Variants in APBB2 observed in about 807,000 individuals in gnomAD.
APBB2 encodes Fe65-like 1.
In APBB2, 38 loss-of-function variants were observed where a neutral mutation model predicts 82.5. The ratio of observed to expected loss-of-function variants is 0.46; its 90% CI spans 0.36 to 0.60. The LOEUF (loss-of-function observed/expected upper bound fraction) is 0.60, where lower values mean the gene tolerates loss of function less well. Among genes scored for constraint, APBB2 ranks in the 20% least tolerant of loss-of-function variants. The probability of loss-of-function intolerance (pLI) is 0.00; values close to 1 mark genes in which losing one functional copy is unlikely to be tolerated. For missense variants in APBB2, 772 were observed against 972.3 expected, an observed-to-expected ratio of 0.79 and a Z score of 2.74; for synonymous variants, 341 against 368.2, an observed-to-expected ratio of 0.93 and a Z score of 0.85.
intron 17 of APBB2, among the ~76,000 whole-genome samples, chr4:40,819,777 A>C (rs971117862): frequency 2.0e-5 from 3 of 151,892 alleles, no homozygotes; most frequent in Non-Finnish European, 4.4e-5. Context: ...TTTTCTTCCC[A>C]GTTACTTCTC....
At chr4:40,858,024 T>A (rs948737633) in intron 12 of APBB2, among the ~76,000 whole-genome samples, 1 of 152,116 alleles carries the variant, frequency 6.6e-6, no homozygotes, top group African/African-American at 2.4e-5. Context: ...CCTTTTGTAA[T>A]CCCTACCTCT....
intron 3 of APBB2, chr4:41,084,698 A>C (rs757589848): frequency 6.6e-6 from 1 of 152,248 alleles, no homozygotes; most frequent in Non-Finnish European, 1.5e-5. Flanking sequence ...AAATTTGTGA[A>C]GTATTCCATA....
intron 2 of APBB2, among the ~76,000 whole-genome samples, chr4:41,135,401 C>T (rs933033465): frequency 5.3e-5 from 8 of 152,084 alleles, no homozygotes; most frequent in African/African-American, 1.9e-4. Context: ...TTTTCATAGA[C>T]ACTATCCAAA....
intron 12 of APBB2, among the ~76,000 whole-genome samples, chr4:40,871,810 A>G (rs1002959870): frequency 7.2e-5 from 11 of 152,236 alleles, no homozygotes; most frequent in African/African-American, 2.7e-4. Flanking sequence ...CATCTAATAT[A>G]AGGATAACAT....
intron 10 of APBB2, among the ~76,000 whole-genome samples, chr4:40,896,226 G>A (rs760037074): frequency 7.2e-5 from 11 of 152,120 alleles, no homozygotes; most frequent in South Asian, 6.2e-4. Context: ...CACCGTGCCC[G>A]GCTAATGTTT....
chr4:41,134,350 C>CCAAGGT (rs1756955021), intron 2 of APBB2, among the ~76,000 whole-genome samples: 1 of 151,982 alleles, frequency 6.6e-6, no homozygotes, highest in South Asian at 2.1e-4. Context: ...GAGGCCAAGG[C>CCAAGGT]GGGCTGATCA....
At chr4:40,860,444 G>A (rs1762496170) in intron 12 of APBB2, among the ~76,000 whole-genome samples, 1 of 152,184 alleles carries the variant, frequency 6.6e-6, no homozygotes, top group Non-Finnish European at 1.5e-5. Flanking sequence ...CTGTGCTATT[G>A]TCACACGGCA....
intron 4 of APBB2, among the ~76,000 whole-genome samples, chr4:41,046,219 A>G (rs1477895567): frequency 6.6e-6 from 1 of 152,220 alleles, no homozygotes; most frequent in African/African-American, 2.4e-5. Flanking sequence ...GCAACCACCC[A>G]TCTGCTTTCC....
intron 1 of APBB2, among the ~76,000 whole-genome samples, chr4:41,185,018 C>T (rs1264320372): frequency 1.3e-5 from 2 of 152,234 alleles, no homozygotes; most frequent in Non-Finnish European, 2.9e-5. Flanking sequence ...ACTTATCTAT[C>T]TCCCTTCACT....
In APBB2 at chr4:41,196,846, C is replaced by T; in HGVS notation, c.-417+17559G>A. On this transcript the variant is annotated intron_variant, in intron 1 of 17. Coordinates refer to ENST00000508593, the MANE Select transcript of APBB2 (RefSeq NM_004307.2). ...GACCACAGTTGAAATCATGCATTTG[C>T]CATCATAGCTCTGAAATGTGTGGCC... Among the ~76,000 whole-genome samples the T allele has an allele frequency of 7.2e-5, 11 of 152,232 alleles. No homozygotes were observed. The Middle Eastern group carries it at 0.01, about 141-fold the overall frequency.
chr4:40,885,969 C>A (rs1278532175), intron 12 of APBB2, among the ~76,000 whole-genome samples: 1 of 151,942 alleles, frequency 6.6e-6, no homozygotes, highest in Admixed American at 6.6e-5. Flanking sequence ...GTGGATTAAT[C>A]ACTGATAGGG....
intron 10 of APBB2, among the ~76,000 whole-genome samples, chr4:40,926,708 C>A (rs1463579978): frequency 2.0e-5 from 3 of 152,186 alleles, no homozygotes; most frequent in Non-Finnish European, 4.4e-5. Flanking sequence ...CACGCCTGGC[C>A]CCAAAATGAT....
chr4:41,181,514 A>G (rs771677878), intron 1 of APBB2, among the ~76,000 whole-genome samples: 3 of 152,226 alleles, frequency 2.0e-5, no homozygotes, highest in Non-Finnish European at 4.4e-5. Flanking sequence ...ATCGCAGTAA[A>G]CATCCTTTTA....
intron 3 of APBB2, among the ~76,000 whole-genome samples, chr4:41,088,526 G>C (rs1740628316): frequency 6.6e-6 from 1 of 152,258 alleles, no homozygotes; most frequent in Non-Finnish European, 1.5e-5. Flanking sequence ...GGAAGAAGCA[G>C]ATCCTGAGAT....
chr4:41,005,395 G>A (rs1258607594), intron 6 of APBB2, among the ~76,000 whole-genome samples: 2 of 148,034 alleles, frequency 1.4e-5, no homozygotes, highest in East Asian at 3.9e-4. Flanking sequence ...GCCAACTTAA[G>A]GGTTTTTTTT....
At chr4:41,159,232 ATC>A (rs909147023) in intron 1 of APBB2, among the ~76,000 whole-genome samples, 3 of 152,176 alleles carry the variant, frequency 2.0e-5, no homozygotes, top group Non-Finnish European at 4.4e-5. Flanking sequence ...CCCTTTCTCT[ATC>A]TCTCTCTTTT....
At chr4:40,876,841 T>C (rs1424771076) in intron 12 of APBB2, among the ~76,000 whole-genome samples, 5 of 152,268 alleles carry the variant, frequency 3.3e-5, no homozygotes, top group South Asian at 2.1e-4. Flanking sequence ...TGGTTCCTTT[T>C]CACTGCTGTG....
intron 1 of APBB2, among the ~76,000 whole-genome samples, chr4:41,148,977 C>G (rs1252097187): frequency 2.6e-5 from 4 of 152,086 alleles, no homozygotes; most frequent in Non-Finnish European, 5.9e-5. Flanking sequence ...CCAAAGTATC[C>G]ATGCAAAAGT....
chr4:40,993,361 CTTTTTT>C (rs34787320), intron 6 of APBB2, among the ~76,000 whole-genome samples: 13 of 114,618 alleles, frequency 1.1e-4, no homozygotes, highest in African/African-American at 3.5e-4. Flanking sequence ...ACTCTTCTCT[CTTTTTT>C]TTTTTTTTTT....
Sources: allele counts gnomAD v4.1 joint callset (sites outside exome capture counted in the v4.1 genomes callset), GRCh38; gene constraint gnomAD v4.1.1; transcripts MANE v1.5; gene names NCBI Gene and HGNC (gene_info 2026-07-23, HGNC 2026-07-21).